The following SYNCRIP variants were observed in gnomAD, a reference collection of about 807,000 sequenced individuals.
The protein encoded by SYNCRIP is synaptotagmin binding cytoplasmic RNA interacting protein, also known as heterogeneous nuclear ribonucleoprotein Q.
A neutral mutation model predicts 68.9 loss-of-function variants in SYNCRIP; 9 were observed. The observed-to-expected ratio is 0.13, with a 90% CI of 0.08 to 0.23. SYNCRIP has a LOEUF of 0.23. Ranked by LOEUF, SYNCRIP falls within the 10% of genes least tolerant of loss-of-function variation. The probability of loss-of-function intolerance (pLI) is 1.00; values close to 1 mark genes in which losing one functional copy is unlikely to be tolerated. For missense variants in SYNCRIP, 414 were observed against 770.6 expected (o/e 0.54, Z 5.48); for synonymous variants, 258 against 254.0 (o/e 1.02, Z -0.15).
At chr6:85,629,176 A>G (rs377391338) in intron 6 of SYNCRIP, among the ~76,000 whole-genome samples, 43 of 152,204 alleles carry the variant, frequency 2.8e-4, no homozygotes, top group African/African-American at 9.9e-4. Flanking sequence ...CACTGCTTCA[A>G]CTAGATTCAC....
chr6:85,608,771 G>A (rs192609112), exon 12 of SYNCRIP: 1 of 152,084 alleles, frequency 6.6e-6, no homozygotes, highest in African/African-American at 2.4e-5. Context: ...AATAATACTG[G>A]TTTGCATCTG....
intron 6 of SYNCRIP, among the ~76,000 whole-genome samples, chr6:85,634,724 A>G (rs1166248063): frequency 6.6e-6 from 1 of 152,116 alleles, no homozygotes; most frequent in Non-Finnish European, 1.5e-5. Flanking sequence ...ATCATTCTGC[A>G]TTTTCACTTA....
intron 7 of SYNCRIP, among the ~76,000 whole-genome samples, chr6:85,623,139 T>C (rs1806610371): frequency 6.6e-6 from 1 of 152,218 alleles, no homozygotes; most frequent in Non-Finnish European, 1.5e-5. Flanking sequence ...ATTTCCAATG[T>C]CCTGAAAGTT....
In SYNCRIP at chr6:85,619,356, G is replaced by A. The variant is rs1167633389; in HGVS notation, c.1070C>T (p.Ala357Val). 3 of 1,613,786 alleles carry A rather than the reference G, an allele frequency of 1.9e-6. No individual in the cohort carries two copies. Among genetic ancestry groups the A allele is most frequent in the East Asian group, 4.5e-5 (2 of 44,840 alleles). ...NTVTEEILEK[A>V]FSQFGKLERV... Reference sequence around the variant, plus strand: ...TTCCAGTTTCCCAAACTGACTAAATGCCTTTTCTAAAATCTCTTCTGTTAC... The same window carrying A: ...TTCCAGTTTCCCAAACTGACTAAATACCTTTTCTAAAATCTCTTCTGTTAC... The change falls in exon 9 of 11, where the codon GCA (alanine) becomes GTA (valine). Residue 357 changes from alanine (A) to valine (V), a missense_variant. Physicochemically the swap from Ala to Val is moderately conservative, Grantham distance 64 (BLOSUM62 0). Transcript: ENST00000369622.
intron 10 of SYNCRIP, among the ~76,000 whole-genome samples, chr6:85,618,460 G>A (rs1275671452): frequency 2.0e-5 from 3 of 151,882 alleles, no homozygotes; most frequent in Non-Finnish European, 4.4e-5. Context: ...AGAATCTCTT[G>A]AACCCGGGAG....
intron 6 of SYNCRIP, among the ~76,000 whole-genome samples, chr6:85,630,196 C>T (rs1807567738): frequency 6.6e-6 from 1 of 151,476 alleles, no homozygotes; most frequent in African/African-American, 2.4e-5. Flanking sequence ...CCCGTCTCTA[C>T]TAAAAATACA....
At position 85,614,320 on chromosome 6, in the gene SYNCRIP, T is replaced by C. The variant is rs1373384904; in HGVS notation, c.*436A>G. On this transcript the variant is annotated 3_prime_UTR_variant, in exon 11 of 11. Transcript: ENST00000369622. ...TTAGGTCAAAGTTCTAAATTAAAAATAGCAGTTGTGTATCAATTTACCTTA... is the reference window on the plus strand; with the variant it reads ...TTAGGTCAAAGTTCTAAATTAAAAACAGCAGTTGTGTATCAATTTACCTTA... The C allele has an allele frequency of 2.6e-5, 26 of 987,068 alleles. No individual in the cohort carries two copies. Among genetic ancestry groups the C allele is most frequent in the Non-Finnish European group, 3.1e-5 (26 of 830,772 alleles). 61.1% of individuals were successfully genotyped at this position (987,068 alleles called of 1,614,324 possible).
intron 6 of SYNCRIP, among the ~76,000 whole-genome samples, chr6:85,626,170 C>T (rs2128289325): frequency 6.6e-6 from 1 of 152,322 alleles, no homozygotes; most frequent in African/African-American, 2.4e-5. Flanking sequence ...ATGGCTGAAT[C>T]CATCATTGCA....
chr6:85,636,763 A>T (rs968660813), intron 6 of SYNCRIP, among the ~76,000 whole-genome samples: 1 of 152,204 alleles, frequency 6.6e-6, no homozygotes, highest in Admixed American at 6.5e-5. Flanking sequence ...GAATTCTACC[A>T]TGCCGCCTTT....
chr6:85,631,339 C>CAAAA lies in SYNCRIP; in HGVS notation c.666+5624_666+5627dup, dbSNP rs71003000. 3.6e-3 allele frequency among the ~76,000 whole-genome samples: 327 copies of CAAAA among 91,732 alleles called. 8 individuals carry two copies. The highest frequency in any genetic ancestry group is 0.01 in the East Asian group (32 of 3,146). 60.2% of individuals were successfully genotyped at this position (91,732 alleles called of 152,430 possible). Reference sequence around the variant, plus strand: ...GGGTGACAAAGCATGACTGTGTCTCCAAAAAAAAAAAAAAAAGGCCATGGC... The same window carrying CAAAA: ...GGGTGACAAAGCATGACTGTGTCTCCAAAAAAAAAAAAAAAAAAAAGGCCATGGC... On this transcript the variant is annotated intron_variant, in intron 6 of 10. Coordinates refer to ENST00000369622, the MANE Select transcript of SYNCRIP (RefSeq NM_006372.5).
chr6:85,641,573 A>C, intron 1 of SYNCRIP, 122 bp from the exon 2 acceptor site: 1 of 972,086 alleles, frequency 1.0e-6, no homozygotes, highest in East Asian at 2.6e-5. Flanking sequence ...CCTCCCTTTA[A>C]AAAAGCCTTA....
At chr6:85,611,418 A>G (rs1452388341), downstream of SYNCRIP, 2 of 152,434 alleles carry the variant, frequency 1.3e-5, no homozygotes, top group Non-Finnish European at 2.9e-5. Context: ...TTAAATTTGC[A>G]TTTACTGGGG....
chr6:85,635,107 G>A (rs1808294002), intron 6 of SYNCRIP, among the ~76,000 whole-genome samples: 5 of 152,186 alleles, frequency 3.3e-5, no homozygotes, highest in Admixed American at 3.3e-4. Flanking sequence ...AGAGATTACA[G>A]TGAGCCAAGA....
In SYNCRIP at chr6:85,641,404, T is replaced by C. The variant is rs1809127660; in HGVS notation, c.36A>G (p.Glu12=). Residue 12 remains glutamate, a synonymous_variant, in exon 2 of 11, where the codon GAA becomes GAG. Transcript: ENST00000369622. ...CTGCAGAAGTAGTATCCATGGGCTC[T>C]TCAGTACCATTTCCATTAACATGTT... ...ATEHVNGNGT[E]EPMDTTSAVI... is the part of the protein sequence containing the mutation. The C allele has an allele frequency of 6.2e-7, 1 of 1,613,760 alleles. No individual in the cohort carries two copies. The highest frequency in any genetic ancestry group is 1.3e-5 in the African/African-American group (1 of 75,046).
chr6:85,638,106 G>C (rs1014103007), intron 4 of SYNCRIP, among the ~76,000 whole-genome samples: 2 of 152,100 alleles, frequency 1.3e-5, no homozygotes, highest in Non-Finnish European at 2.9e-5. Context: ...GGGTGCAGTG[G>C]CTCACACCTG....
At chr6:85,616,320 GTTATT>G (rs746622445) in intron 10 of SYNCRIP, among the ~76,000 whole-genome samples, 9 of 151,876 alleles carry the variant, frequency 5.9e-5, no homozygotes, top group Non-Finnish European at 7.4e-5. Context: ...TACCTGTTAT[GTTATT>G]TTATTTATTT....
chr6:85,620,543 G>A (rs1292506677), intron 8 of SYNCRIP, among the ~76,000 whole-genome samples: 2 of 152,182 alleles, frequency 1.3e-5, no homozygotes, highest in East Asian at 1.9e-4. Flanking sequence ...AGGATTTTTA[G>A]GGCAGTGAAA....
At chr6:85,629,525 AAAAAAAAAAAAAAAAG>A (rs1807463470) in intron 6 of SYNCRIP, among the ~76,000 whole-genome samples, 1 of 148,874 alleles carries the variant, frequency 6.7e-6, no homozygotes, top group Non-Finnish European at 1.5e-5. Flanking sequence ...ACAAAAAAAA[AAAAAAAAAAAAAAAAG>A]GGCCGGGTGC....
intron 10 of SYNCRIP, among the ~76,000 whole-genome samples, chr6:85,616,859 A>G (rs1173949781): frequency 2.0e-5 from 3 of 152,176 alleles, no homozygotes; most frequent in South Asian, 2.1e-4. Flanking sequence ...TTAGACGGTC[A>G]TAACTGAGAA....
Sources: gnomAD v4.1 joint callset for allele counts (sites outside exome capture counted in the v4.1 genomes callset) on GRCh38, gnomAD v4.1.1 for gene constraint, MANE v1.5 for transcripts, NCBI Gene and HGNC (gene_info 2026-07-23, HGNC 2026-07-21) for gene names.